Variants in CD47 observed in about 807,000 individuals in gnomAD.
CD47 encodes CD47 molecule, also known as leukocyte surface antigen CD47.
A neutral mutation model predicts 44.6 loss-of-function variants in CD47; 11 were observed. That is an observed-to-expected ratio of 0.25 (90% confidence interval 0.16 to 0.41). The LOEUF is 0.41. CD47 is among the 10% of genes least tolerant of loss of function. CD47 has a pLI of 1.00. For synonymous variants in CD47, 140 were observed against 136.3 expected (o/e 1.03, Z -0.19); for missense variants, 306 against 386.7 (o/e 0.79, Z 1.75).
At chr3:108,059,776 G>A (rs1257501471) in intron 4 of CD47, among the ~76,000 whole-genome samples, 2 of 152,078 alleles carry the variant, frequency 1.3e-5, no homozygotes, top group Non-Finnish European at 2.9e-5. Flanking sequence ...TTCTTAACTA[G>A]TTTACAGAAT....
chr3:108,061,024 A>G (rs2079004398), intron 3 of CD47, among the ~76,000 whole-genome samples, 172 bp from the exon 4 acceptor site: 1 of 152,038 alleles, frequency 6.6e-6, no homozygotes. Flanking sequence ...GCAAATGGAT[A>G]ACGTCACGGC....
chr3:108,079,508 C>T (rs924901538), intron 2 of CD47, among the ~76,000 whole-genome samples: 2 of 139,152 alleles, frequency 1.4e-5, no homozygotes, highest in Non-Finnish European at 3.0e-5. Flanking sequence ...TGACTCTCCT[C>T]TATTCTCTCC....
chr3:108,068,314 T>G (rs1257515931), intron 3 of CD47, among the ~76,000 whole-genome samples: 1 of 152,186 alleles, frequency 6.6e-6, no homozygotes. Flanking sequence ...CATACATTCG[T>G]GTCTCCCTGG....
At chr3:108,078,262 C>G (rs572966333) in intron 2 of CD47, among the ~76,000 whole-genome samples, 9 of 152,156 alleles carry the variant, frequency 5.9e-5, no homozygotes, top group African/African-American at 2.2e-4. Flanking sequence ...TAATGGCTCC[C>G]AAAATAAGTC....
At chr3:108,086,906 T>C (rs181490278) in intron 1 of CD47, among the ~76,000 whole-genome samples, 4 of 152,264 alleles carry the variant, frequency 2.6e-5, no homozygotes, top group Non-Finnish European at 5.9e-5. Flanking sequence ...GTCCTTTCGT[T>C]GGAAAAGTGA....
Position 108,085,471 on chromosome 3 carries a change from T to C in CD47, c.47-5127A>G, listed in dbSNP as rs539525138. Among the ~76,000 whole-genome samples, 7 of 152,298 alleles carry C rather than the reference T, an allele frequency of 4.6e-5. No individual in the cohort carries two copies. The South Asian group carries it at 8.3e-4, about 18-fold the overall frequency. ...ATGTTTTTGTATCACCTTTCACATA[T>C]ACAGCAAGTACTCAATAAATGGCAG... On this transcript the variant is annotated intron_variant, in intron 1 of 10. Transcript: ENST00000361309.
chr3:108,050,796 T>C, intron 8 of CD47, 194 bp from the exon 9 acceptor site: 1 of 503,374 alleles, frequency 2.0e-6, no homozygotes, highest in Non-Finnish European at 3.7e-6. Context: ...GGTTAATAGT[T>C]TAATAATAAC....
intron 1 of CD47, among the ~76,000 whole-genome samples, chr3:108,088,985 A>G (rs1470813528): frequency 6.6e-6 from 1 of 152,222 alleles, no homozygotes; most frequent in Non-Finnish European, 1.5e-5. Context: ...TCAAACTTCA[A>G]TACAAATGAA....
chr3:108,080,776 T>G (rs1039880324), intron 1 of CD47, among the ~76,000 whole-genome samples: 1 of 151,864 alleles, frequency 6.6e-6, no homozygotes, highest in Non-Finnish European at 1.5e-5. Context: ...TTCAACACAC[T>G]GCTAAATAGA....
In CD47 at chr3:108,046,974, C is replaced by T. The variant is rs1039658730; in HGVS notation, c.*314G>A. 6.9e-6 allele frequency: 2 copies of T among 290,568 alleles called. No individual in the cohort carries two copies. Among genetic ancestry groups the T allele is most frequent in the African/African-American group, 4.4e-5 (2 of 45,794 alleles). 18.0% of individuals were successfully genotyped at this position (290,568 alleles called of 1,614,324 possible). A position where few individuals can be genotyped will look rare whatever the true frequency, so the allele number is the denominator to read the frequency against. On this transcript the variant is annotated 3_prime_UTR_variant, in exon 11 of 11. Transcript: ENST00000361309. ...AACTGGTTACCTAGAGGCCAGAGGC[C>T]CTAGGACCTGAAAGGCATCATTCTT...
At chr3:108,060,519 A>G (rs2078991326) in intron 4 of CD47, among the ~76,000 whole-genome samples, 1 of 152,242 alleles carries the variant, frequency 6.6e-6, no homozygotes, top group Non-Finnish European at 1.5e-5. Context: ...AAGCTAGAAG[A>G]GCCAAGAAAT....
chr3:108,082,654 A>G, intron 1 of CD47, among the ~76,000 whole-genome samples: 1 of 152,002 alleles, frequency 6.6e-6, no homozygotes, highest in East Asian at 1.9e-4. Context: ...ATCCTATGAA[A>G]CTTTTTGCAA....
At chr3:108,082,204 C>A (rs556092686) in intron 1 of CD47, among the ~76,000 whole-genome samples, 2 of 151,944 alleles carry the variant, frequency 1.3e-5, no homozygotes, top group Admixed American at 6.6e-5. Flanking sequence ...GTCTAACAGA[C>A]GCTTTGGAAT....
chr3:108,066,928 C>A (rs1029037243), intron 3 of CD47, among the ~76,000 whole-genome samples: 2 of 151,866 alleles, frequency 1.3e-5, no homozygotes, highest in Non-Finnish European at 2.9e-5. Flanking sequence ...TTTAAACATT[C>A]AAAAAAACAT....
intron 10 of CD47, among the ~76,000 whole-genome samples, chr3:108,048,386 T>G (rs1445902243): frequency 1.4e-5 from 2 of 140,620 alleles, no homozygotes; most frequent in East Asian, 2.0e-4. Flanking sequence ...TTTTTTTTTT[T>G]TTTTTTTTTT....
chr3:108,073,170 T>A (rs1177179217), intron 2 of CD47, among the ~76,000 whole-genome samples: 2 of 151,998 alleles, frequency 1.3e-5, no homozygotes, highest in African/African-American at 2.4e-5. Context: ...ATATAGCCAA[T>A]ATCTGATCTC....
In CD47 at chr3:108,070,433, G is replaced by A. The variant is rs376782260; in HGVS notation, c.490+660C>T. ...AAATATGGTTGATTAAACATTAACC[G>A]TAATGCATATTACCTATTTGCCTAG... is the stretch of plus-strand genomic sequence containing the variant. On this transcript the variant is annotated intron_variant, in intron 3 of 10. Transcript: ENST00000361309. Among the ~76,000 whole-genome samples, 21 of 152,228 alleles carry A rather than the reference G, an allele frequency of 1.4e-4. No homozygotes were observed. In the South Asian group the frequency reaches 1.4e-3, roughly 11 times the overall value.
intron 1 of CD47, among the ~76,000 whole-genome samples, chr3:108,084,865 C>T (rs115694177): frequency 0.01 from 1,554 of 152,120 alleles, 17 homozygotes; most frequent in African/African-American, 0.035. Flanking sequence ...TCATCCTCCC[C>T]CCTCGAACTA....
chr3:108,067,850 A>G (rs1324501212), intron 3 of CD47, among the ~76,000 whole-genome samples: 2 of 152,322 alleles, frequency 1.3e-5, no homozygotes, highest in African/African-American at 2.4e-5. Flanking sequence ...AGTAGGACCA[A>G]TGGCATCCTG....
Sources: allele counts gnomAD v4.1 joint callset (sites outside exome capture counted in the v4.1 genomes callset), GRCh38; gene constraint gnomAD v4.1.1; transcripts MANE v1.5; gene names NCBI Gene and HGNC (gene_info 2026-07-23, HGNC 2026-07-21).